RARS1: variants seen among roughly 807,000 people sequenced by gnomAD.
RARS1 encodes arginine--tRNA ligase, cytoplasmic.
Under a neutral mutation model 78.7 loss-of-function variants are expected in RARS1, and 75 were observed. The observed-to-expected ratio is 0.95, with a 90% CI of 0.79 to 1.15. The LOEUF (loss-of-function observed/expected upper bound fraction) is 1.15, where lower values mean the gene tolerates loss of function less well. Ranked by LOEUF, RARS1 falls within the 50% of genes most tolerant of loss-of-function variation. RARS1 has a pLI of 0.00. For synonymous variants in RARS1, 273 were observed against 268.2 expected (o/e 1.02, Z -0.18); for missense variants, 787 against 787.5 (o/e 1.00, Z 0.01).
chr5:168,515,979 C>G (rs1177209614), intron 12 of RARS1, among the ~76,000 whole-genome samples: 1 of 152,176 alleles, frequency 6.6e-6, no homozygotes, highest in East Asian at 1.9e-4. Flanking sequence ...ACTCTAAACT[C>G]TTGTCTTCTC....
intron 4 of RARS1, 159 bp downstream of exon 4, chr5:168,494,161 C>A (rs1758136703): frequency 1.1e-6 from 1 of 873,012 alleles, no homozygotes; most frequent in African/African-American, 1.8e-5. Flanking sequence ...AAGTTTTAAT[C>A]TAGACTCAGC....
At chr5:168,496,912 C>T (rs1758204402) in intron 6 of RARS1, 1 of 215,766 alleles carries the variant, frequency 4.6e-6, no homozygotes, top group African/African-American at 2.3e-5. Context: ...GCCCAGCTGT[C>T]ATTGTCTCAA....
At chr5:168,507,196 A>G (rs1449379204) in intron 11 of RARS1, among the ~76,000 whole-genome samples, 1 of 152,204 alleles carries the variant, frequency 6.6e-6, no homozygotes, top group Non-Finnish European at 1.5e-5. Flanking sequence ...TTTTCCTTCA[A>G]AGTTGAACAT....
chr5:168,516,794 A>C lies in RARS1; in HGVS notation c.1469A>C (p.Glu490Ala). 6.2e-7 allele frequency: 1 copy of C among 1,614,168 alleles called. No individual in the cohort carries two copies. The highest frequency in any genetic ancestry group is 8.5e-7 in the Non-Finnish European group (1 of 1,180,024). The change falls in exon 13 of 15, where the codon GAA (glutamate) becomes GCA (alanine). Residue 490 changes from glutamate (E) to alanine (A), a missense_variant. Glu to Ala is a moderately radical substitution (Grantham distance 107). Transcript: ENST00000231572. ...TTCCCAAAGGTCTTAACTGCAGAGG[A>C]ATTGAATGCTGCTCAGACATCCGTT... ...KERDKVLTAE[E>A]LNAAQTSVAY...
intron 1 of RARS1, 97 bp from the exon 2 acceptor site, chr5:168,488,505 A>AACATT: frequency 7.8e-7 from 1 of 1,290,076 alleles, no homozygotes; most frequent in Non-Finnish European, 1.1e-6. Flanking sequence ...CATCAAAGGG[A>AACATT]ACATTAATGA....
At chr5:168,510,394 A>C (rs1304683327) in intron 11 of RARS1, among the ~76,000 whole-genome samples, 187 bp from the exon 12 acceptor site, 1 of 152,196 alleles carries the variant, frequency 6.6e-6, no homozygotes, top group Non-Finnish European at 1.5e-5. Context: ...TTGCTTGATG[A>C]CTGGCATAAG....
Position 168,503,145 on chromosome 5 carries a change from A to G in RARS1, c.1057+1040A>G, listed in dbSNP as rs113175122. Among the ~76,000 whole-genome samples, 431 of 152,318 alleles carry G rather than the reference A, an allele frequency of 2.8e-3. 2 individuals are homozygous for G. The highest frequency in any genetic ancestry group is 9.3e-3 in the African/African-American group (386 of 41,576). ...GTCTGGTTGTCTCTGTTTTTGTCATATTAAGATTGATTAGTAAATTCAAGT... is the reference window on the plus strand; with the variant it reads ...GTCTGGTTGTCTCTGTTTTTGTCATGTTAAGATTGATTAGTAAATTCAAGT... On this transcript the variant is annotated intron_variant, in intron 9 of 14. Coordinates refer to ENST00000231572, the MANE Select transcript of RARS1 (RefSeq NM_002887.4).
chr5:168,514,933 C>T (rs187120789), intron 12 of RARS1, among the ~76,000 whole-genome samples: 2 of 152,176 alleles, frequency 1.3e-5, no homozygotes, highest in East Asian at 1.9e-4. Flanking sequence ...GATATTGGCT[C>T]CTGTTCTGTT....
intron 2 of RARS1, among the ~76,000 whole-genome samples, chr5:168,490,439 A>T (rs185181567): frequency 1.3e-4 from 20 of 152,314 alleles, no homozygotes; most frequent in Admixed American, 8.5e-4. Context: ...AGTAGCTGGG[A>T]TGGAAGTACA....
intron 2 of RARS1, among the ~76,000 whole-genome samples, chr5:168,491,398 G>A (rs1332972683): frequency 1.3e-5 from 2 of 152,198 alleles, no homozygotes; most frequent in Non-Finnish European, 2.9e-5. Flanking sequence ...TCATATCCAA[G>A]TAAATTTGGC....
chr5:168,515,761 G>A (rs959210538), intron 12 of RARS1, among the ~76,000 whole-genome samples: 6 of 152,160 alleles, frequency 3.9e-5, no homozygotes, highest in African/African-American at 1.2e-4. Context: ...CCATTTTGCC[G>A]CTGCAGAACT....
intron 5 of RARS1, chr5:168,495,029 C>G (rs1252717906): frequency 8.9e-6 from 3 of 338,144 alleles, no homozygotes; most frequent in South Asian, 6.0e-5. Flanking sequence ...CTTAATTCCA[C>G]AAGGCATTTG....
At chr5:168,491,946 C>CTTTTTTTT (rs149780336) in intron 2 of RARS1, among the ~76,000 whole-genome samples, 2 of 102,614 alleles carry the variant, frequency 1.9e-5, no homozygotes, top group Non-Finnish European at 3.8e-5. Context: ...TGTCATTCAC[C>CTTTTTTTT]TTTTTTTTTT....
chr5:168,518,175 C>T, intron 14 of RARS1, 113 bp downstream of exon 14: 1 of 1,264,692 alleles, frequency 7.9e-7, no homozygotes, highest in South Asian at 1.9e-5. Flanking sequence ...CCTCAAACTT[C>T]TGGCCTCAAG....
intron 12 of RARS1, among the ~76,000 whole-genome samples, chr5:168,514,858 C>T (rs1411562504): frequency 1.3e-5 from 2 of 152,160 alleles, no homozygotes; most frequent in African/African-American, 2.4e-5. Flanking sequence ...CTTTCATGAC[C>T]TCAACACTTC....
chr5:168,501,714 C>T (rs895927673), intron 8 of RARS1, among the ~76,000 whole-genome samples: 65 of 150,326 alleles, frequency 4.3e-4, no homozygotes, highest in Middle Eastern at 3.5e-3. Flanking sequence ...CAGAGCGAGA[C>T]TCCATCTCAA....
At chr5:168,512,329 T>C (rs1758578647) in intron 12 of RARS1, among the ~76,000 whole-genome samples, 2 of 152,182 alleles carry the variant, frequency 1.3e-5, no homozygotes, top group African/African-American at 2.4e-5. Flanking sequence ...GCTTTTTCTT[T>C]CGGATATATA....
intron 2 of RARS1, among the ~76,000 whole-genome samples, chr5:168,489,546 T>A (rs2152903277): frequency 6.6e-6 from 1 of 152,314 alleles, no homozygotes; most frequent in East Asian, 1.9e-4. Context: ...GCTTGTGCTA[T>A]GTTTATTTAA....
chr5:168,489,623 G>T (rs582906), intron 2 of RARS1, among the ~76,000 whole-genome samples: 65,007 of 151,680 alleles, frequency 0.43, 14,886 homozygotes, highest in East Asian at 0.6. Context: ...GCAGTTTTTT[G>T]GCCTGCCTTT....
Sources: gnomAD v4.1 joint callset for allele counts (sites outside exome capture counted in the v4.1 genomes callset) on GRCh38, gnomAD v4.1.1 for gene constraint, MANE v1.5 for transcripts, NCBI Gene and HGNC (gene_info 2026-07-23, HGNC 2026-07-21) for gene names.